Variants in PCDHGB2 observed in about 807,000 individuals in gnomAD.
PCDHGB2 encodes the protein protocadherin gamma-B2.
Under a neutral mutation model 59.3 loss-of-function variants are expected in PCDHGB2, and 55 were observed. The ratio of observed to expected loss-of-function variants is 0.93; its 90% CI spans 0.75 to 1.16. The LOEUF is 1.16. PCDHGB2 is among the 50% of genes most tolerant of loss of function. The probability of loss-of-function intolerance (pLI) is 0.00; values close to 1 mark genes in which losing one functional copy is unlikely to be tolerated. For synonymous variants in PCDHGB2, 516 were observed against 512.0 expected, an observed-to-expected ratio of 1.01 and a Z score of -0.11; for missense variants, 1,228 against 1,198.5, an observed-to-expected ratio of 1.02 and a Z score of -0.36.
chr5:141,376,835 C>T (rs537669685), intron 1 of PCDHGB2: 5 of 249,278 alleles, frequency 2.0e-5, no homozygotes, highest in Non-Finnish European at 3.8e-5. Flanking sequence ...TACAGGCGCC[C>T]GCCACCGCGC....
Position 141,511,029 on chromosome 5 carries a change from G to A in PCDHGB2, c.2652G>A (p.Leu884=), listed in dbSNP as rs1372346241. The part of the protein sequence containing the change: ...LSARYGPQFT[L]QHVPDYRQNV... ...CCCGCTACGGACCCCAGTTCACCCT[G>A]CAGCACGTGCCCGACTACCGCCAGA... The change falls in exon 4 of 4, where the codon CTG becomes CTA. Residue 884 remains leucine, a synonymous_variant. Transcript: ENST00000522605. 6.2e-7 allele frequency: 1 copy of A among 1,614,078 alleles called. No individual in the cohort carries two copies. Among genetic ancestry groups the A allele is most frequent in the Non-Finnish European group, 8.5e-7 (1 of 1,180,032 alleles).
chr5:141,392,857 T>TGCTGTGC, intron 1 of PCDHGB2: 1 of 1,612,536 alleles, frequency 6.2e-7, no homozygotes, highest in Non-Finnish European at 8.5e-7. Flanking sequence ...GAGCTGATCC[T>TGCTGTGC]GCTGTGCGCG....
chr5:141,392,766 C>A, intron 1 of PCDHGB2: 1 of 1,489,084 alleles, frequency 6.7e-7, no homozygotes, highest in South Asian at 1.4e-5. Flanking sequence ...AAATAAGACC[C>A]ATTTATGCAC....
intron 3 of PCDHGB2, among the ~76,000 whole-genome samples, chr5:141,510,504 G>A (rs371169260): frequency 1.3e-5 from 2 of 152,154 alleles, no homozygotes; most frequent in African/African-American, 4.8e-5. Flanking sequence ...AAGGAACTGA[G>A]AGCCCGTGTC....
intron 1 of PCDHGB2, among the ~76,000 whole-genome samples, chr5:141,482,079 C>A (rs2099551704): frequency 8.4e-6 from 1 of 119,308 alleles, no homozygotes; most frequent in African/African-American, 3.8e-5. Context: ...GAACAAAACT[C>A]ACTCCATCTC....
intron 1 of PCDHGB2, chr5:141,376,904 G>A (rs1773512555): frequency 5.3e-6 from 1 of 188,504 alleles, no homozygotes; most frequent in African/African-American, 2.4e-5. Context: ...AGCCAGGATG[G>A]TCTCGATCTC....
Position 141,476,878 on chromosome 5 carries a change from G to A in PCDHGB2, c.2422-17929G>A. 2 of 1,613,960 alleles carry A rather than the reference G, an allele frequency of 1.2e-6. No homozygotes were observed. The highest frequency in any genetic ancestry group is 1.7e-6 in the Non-Finnish European group (2 of 1,180,034). Reference sequence around the variant, plus strand: ...AGTCCTTGTACCGGGCGCGCGTCCTGGAGGATGCACCCTCCGGCACGCGCG... The same window carrying A: ...AGTCCTTGTACCGGGCGCGCGTCCTAGAGGATGCACCCTCCGGCACGCGCG... On this transcript the variant is annotated intron_variant, in intron 1 of 3. Transcript: ENST00000522605. This position sits in a 1 kb window ranked among gnomAD's most constrained non-coding sequence, Gnocchi z 7.6.
intron 1 of PCDHGB2, among the ~76,000 whole-genome samples, chr5:141,369,354 A>G (rs1766176337): frequency 6.6e-6 from 1 of 152,198 alleles, no homozygotes; most frequent in Non-Finnish European, 1.5e-5. Flanking sequence ...GTGATGTAGT[A>G]TGAAAAAACA....
At position 141,485,314 on chromosome 5, in the gene PCDHGB2, T is replaced by A. The variant is rs1292296791; in HGVS notation, c.2422-9493T>A. The A allele has an allele frequency of 1.2e-6, 2 of 1,614,150 alleles. No homozygotes were observed. The highest frequency in any genetic ancestry group is 1.7e-6 in the Non-Finnish European group (2 of 1,180,032). ...CACAGGAAGGGACTTTTGTAGGGAA[T>A]GTCGCTCAAGATTTCCTGCTGGATA... On this transcript the variant is annotated intron_variant, in intron 1 of 3. Coordinates refer to ENST00000522605, the MANE Select transcript of PCDHGB2 (RefSeq NM_018923.3). This position sits in a 1 kb window ranked among gnomAD's most constrained non-coding sequence, Gnocchi z 5.7.
chr5:141,418,688 A>C, intron 1 of PCDHGB2: 2 of 1,614,032 alleles, frequency 1.2e-6, no homozygotes, highest in Non-Finnish European at 1.7e-6. Flanking sequence ...CAACTCAGAG[A>C]TCACTTATTC....
intron 3 of PCDHGB2, among the ~76,000 whole-genome samples, chr5:141,506,799 A>G (rs1026030023): frequency 5.3e-5 from 8 of 152,198 alleles, no homozygotes; most frequent in Admixed American, 3.9e-4. Flanking sequence ...CTGGCAGAGG[A>G]TCAAGGCATT....
intron 1 of PCDHGB2, among the ~76,000 whole-genome samples, chr5:141,434,609 G>T (rs189866750): frequency 1.3e-5 from 2 of 151,946 alleles, no homozygotes; most frequent in Non-Finnish European, 2.9e-5. Flanking sequence ...CTTTATTTCC[G>T]CCCATCTCTT....
chr5:141,491,837 G>A lies in PCDHGB2; in HGVS notation c.2422-2970G>A, dbSNP rs1404051857. The A allele has an allele frequency of 1.4e-6, 2 of 1,472,862 alleles. No individual in the cohort carries two copies. The highest frequency in any genetic ancestry group is 1.8e-6 in the Non-Finnish European group (2 of 1,111,878). The allele number at this position is 1,472,862 out of a possible 1,614,324, so 91.2% of individuals were successfully genotyped here. A position where few individuals can be genotyped will look rare whatever the true frequency, so the allele number is the denominator to read the frequency against. ...TGGCTGCGCTCCACCCGATTCTCGG[G>A]ATCATTGGACCGTTTGCGCGAAACC... On this transcript the variant is annotated intron_variant, in intron 1 of 3. Transcript: ENST00000522605. The surrounding 1 kb of genome is among the most constrained non-coding windows in gnomAD (Gnocchi z 6.9).
intron 1 of PCDHGB2, among the ~76,000 whole-genome samples, chr5:141,450,363 T>C (rs2098678373): frequency 6.6e-6 from 1 of 152,162 alleles, no homozygotes; most frequent in Admixed American, 6.5e-5. Flanking sequence ...TTCCTCAGCC[T>C]TGTTTGTTTA....
chr5:141,508,139 G>C (rs1243018384), intron 3 of PCDHGB2: 1 of 152,514 alleles, frequency 6.6e-6, no homozygotes, highest in African/African-American at 2.4e-5. Flanking sequence ...CAGGGAGCTG[G>C]GGGCTGAGTT....
At chr5:141,409,172 G>A in intron 1 of PCDHGB2, 8 of 1,614,006 alleles carry the variant, frequency 5.0e-6, no homozygotes, top group Non-Finnish European at 6.8e-6. Context: ...AGCGAAGGAC[G>A]GAGGTGGTCT....
At chr5:141,423,742 A>C in intron 1 of PCDHGB2, 1 of 514,328 alleles carries the variant, frequency 1.9e-6, no homozygotes, top group Non-Finnish European at 2.4e-6. Context: ...CCTGTTATGA[A>C]AACTGTTTGG....
Position 141,431,228 on chromosome 5 carries a change from GC to G in PCDHGB2, c.2422-63577del. The G allele has an allele frequency of 6.2e-7, 1 of 1,614,118 alleles. No homozygotes were observed. Among genetic ancestry groups the G allele is most frequent in the Non-Finnish European group, 8.5e-7 (1 of 1,180,030 alleles). On this transcript the variant is annotated intron_variant, in intron 1 of 3. Transcript: ENST00000522605. This position sits in a 1 kb window ranked among gnomAD's most constrained non-coding sequence, Gnocchi z 4.8. ...TGAGATGCGGTTCCCTCTACCCCAC[GC>G]CTGGGATCCGGATATCGGGAAGAAC...
intron 1 of PCDHGB2, among the ~76,000 whole-genome samples, chr5:141,463,632 T>C (rs2099065676): frequency 6.6e-6 from 1 of 151,822 alleles, no homozygotes; most frequent in Admixed American, 6.6e-5. Flanking sequence ...GTATTTTGTT[T>C]AGTAGAGACG....
Sources: allele counts gnomAD v4.1 joint callset (sites outside exome capture counted in the v4.1 genomes callset), GRCh38; gene constraint gnomAD v4.1.1; non-coding constraint Gnocchi (gnomAD v3.1); transcripts MANE v1.5; gene names NCBI Gene and HGNC (gene_info 2026-07-23, HGNC 2026-07-21).